Variants in DSC3 observed in about 807,000 individuals in gnomAD.
The protein encoded by DSC3 is desmocollin-3.
A neutral mutation model predicts 89.5 loss-of-function variants in DSC3; 97 were observed. The observed-to-expected ratio is 1.08, with a 90% CI of 0.92 to 1.28. DSC3 has a LOEUF of 1.28. Ranked by LOEUF, DSC3 falls within the 50% of genes most tolerant of loss-of-function variation. The probability of loss-of-function intolerance (pLI) is 0.00; values close to 1 mark genes in which losing one functional copy is unlikely to be tolerated. For synonymous variants in DSC3, 436 were observed against 384.1 expected (o/e 1.14, Z -1.58); for missense variants, 1,199 against 1,085.3 (o/e 1.10, Z -1.47).
chr18:31,002,694 C>T (rs1419108568), intron 13 of DSC3, among the ~76,000 whole-genome samples: 1 of 129,848 alleles, frequency 7.7e-6, no homozygotes, highest in African/African-American at 2.9e-5. Context: ...GAGCAAAACT[C>T]TGCCTCAAAA....
chr18:31,032,420 T>A (rs1985822256), intron 1 of DSC3, 144 bp from the exon 2 acceptor site: 1 of 676,182 alleles, frequency 1.5e-6, no homozygotes. Context: ...AGAAAGGAAT[T>A]TGCTCAATAT....
chr18:31,033,025 G>A (rs1985852733), intron 1 of DSC3, among the ~76,000 whole-genome samples: 1 of 152,056 alleles, frequency 6.6e-6, no homozygotes, highest in South Asian at 2.1e-4. Context: ...CTGTACACTA[G>A]CATTGAAAAA....
chr18:31,012,179 C>A (rs1985093120), intron 9 of DSC3, among the ~76,000 whole-genome samples: 1 of 152,002 alleles, frequency 6.6e-6, no homozygotes, highest in Admixed American at 6.6e-5. Context: ...AAAATGTTAG[C>A]AGACTATGAA....
At chr18:31,029,351 G>C (rs1305236453) in intron 4 of DSC3, among the ~76,000 whole-genome samples, 158 bp downstream of exon 4, 3 of 152,038 alleles carry the variant, frequency 2.0e-5, no homozygotes, top group Non-Finnish European at 4.4e-5. Flanking sequence ...CATATTATTA[G>C]GTTTTTAGTA....
At chr18:31,006,292 GTAT>G (rs138302615) in intron 12 of DSC3, among the ~76,000 whole-genome samples, 6 of 149,738 alleles carry the variant, frequency 4.0e-5, no homozygotes, top group African/African-American at 7.4e-5. Context: ...CACCTCGCTG[GTAT>G]TATTATTATT....
Position 30,994,159 on chromosome 18 carries a change from T to C in DSC3, c.*16A>G. ...TCCAGAATGTCTGACAAAGACCTAA[T>C]TGTAGCACTGTGACATTATCTCTTT... On this transcript the variant is annotated 3_prime_UTR_variant, in exon 16 of 16. Transcript: ENST00000360428. 1 of 1,612,104 alleles carries C rather than the reference T, an allele frequency of 6.2e-7. No individual in the cohort carries two copies. Among genetic ancestry groups the C allele is most frequent in the Non-Finnish European group, 8.5e-7 (1 of 1,178,202 alleles).
Position 31,032,175 on chromosome 18 carries a change from C to G in DSC3, c.154+17G>C. The G allele has an allele frequency of 6.4e-7, 1 of 1,571,834 alleles. No individual in the cohort carries two copies. The highest frequency in any genetic ancestry group is 8.8e-7 in the Non-Finnish European group (1 of 1,141,374). On this transcript the variant is annotated intron_variant, in intron 2 of 15. Coordinates refer to ENST00000360428, the MANE Select transcript of DSC3 (RefSeq NM_001941.5). ...AAACTAAATTTCTGCTTTAAAAAGA[C>G]TTTTAAAATTTCTCACCTCTGCCAA...
intron 9 of DSC3, among the ~76,000 whole-genome samples, chr18:31,010,788 C>G (rs1477637964): frequency 6.6e-6 from 1 of 152,216 alleles, no homozygotes; most frequent in South Asian, 2.1e-4. Flanking sequence ...TGCTGCTGCT[C>G]CAATGGACAG....
At chr18:31,020,840 G>A (rs1985394280) in intron 7 of DSC3, among the ~76,000 whole-genome samples, 1 of 152,124 alleles carries the variant, frequency 6.6e-6, no homozygotes, top group African/African-American at 2.4e-5. Context: ...TACACAGGAG[G>A]CGGAGGTGGG....
intron 7 of DSC3, among the ~76,000 whole-genome samples, chr18:31,022,042 C>G (rs776807709): frequency 2.6e-5 from 4 of 151,874 alleles, no homozygotes; most frequent in Non-Finnish European, 5.9e-5. Context: ...AAAATTGAAA[C>G]CTTTGCTGAA....
intron 9 of DSC3, among the ~76,000 whole-genome samples, chr18:31,013,955 A>T (rs1176401984): frequency 2.0e-5 from 3 of 152,174 alleles, no homozygotes; most frequent in Admixed American, 6.5e-5. Flanking sequence ...ATAATAAAAA[A>T]ATTAGAATTT....
intron 1 of DSC3, among the ~76,000 whole-genome samples, chr18:31,041,016 C>T (rs1986112814): frequency 6.6e-6 from 1 of 151,910 alleles, no homozygotes; most frequent in East Asian, 1.9e-4. Context: ...AAAAAAAAAT[C>T]TTAAACGAGT....
chr18:30,995,911 G>T (rs1351666983), intron 15 of DSC3, among the ~76,000 whole-genome samples: 1 of 141,802 alleles, frequency 7.1e-6, no homozygotes, highest in Non-Finnish European at 1.5e-5. Context: ...GGTCAAGGCT[G>T]CAGTGAGTGG....
Position 30,992,779 on chromosome 18 carries a change from AT to A in DSC3, c.*1395del, listed in dbSNP as rs1290986401. ...AAATTTCTCTGGAGAAAGCAAACTGATTAAAAATTAATTCACGCTGAAGGAT... is the reference window on the plus strand; with the variant it reads ...AAATTTCTCTGGAGAAAGCAAACTGATAAAAATTAATTCACGCTGAAGGAT... On this transcript the variant is annotated 3_prime_UTR_variant, in exon 16 of 16. Transcript: ENST00000360428. 6.6e-6 allele frequency: 1 copy of A among 152,222 alleles called. No homozygotes were observed. The highest frequency in any genetic ancestry group is 6.5e-5 in the Admixed American group (1 of 15,286). 9.4% of individuals were successfully genotyped at this position (152,222 alleles called of 1,614,324 possible). A position where few individuals can be genotyped will look rare whatever the true frequency, so the allele number is the denominator to read the frequency against.
At chr18:31,022,641 T>C (rs1024451364) in intron 6 of DSC3, 139 bp from the exon 7 acceptor site, 1 of 1,072,798 alleles carries the variant, frequency 9.3e-7, no homozygotes, top group South Asian at 1.4e-5. Context: ...TATTATTTCA[T>C]CTTTAGATAG....
chr18:31,011,305 G>A (rs969149080), intron 9 of DSC3, among the ~76,000 whole-genome samples: 1 of 152,146 alleles, frequency 6.6e-6, no homozygotes, highest in African/African-American at 2.4e-5. Flanking sequence ...GCGAATGAAG[G>A]GAATAAATGC....
chr18:31,035,097 T>A (rs530648362), intron 1 of DSC3, among the ~76,000 whole-genome samples: 3 of 152,240 alleles, frequency 2.0e-5, no homozygotes, highest in South Asian at 4.1e-4. Flanking sequence ...TAAAGTGGCA[T>A]AATAACCACA....
chr18:31,013,068 G>A (rs1191150784), intron 9 of DSC3, among the ~76,000 whole-genome samples: 2 of 152,124 alleles, frequency 1.3e-5, no homozygotes, highest in African/African-American at 2.4e-5. Context: ...AGAGTGGCAT[G>A]GAACACTGCA....
At chr18:31,013,379 A>G (rs1985134629) in intron 9 of DSC3, among the ~76,000 whole-genome samples, 1 of 152,120 alleles carries the variant, frequency 6.6e-6, no homozygotes, top group East Asian at 1.9e-4. Context: ...TTCAGATAAA[A>G]TGCTTTCATA....
Sources: allele counts gnomAD v4.1 joint callset (sites outside exome capture counted in the v4.1 genomes callset), GRCh38; gene constraint gnomAD v4.1.1; transcripts MANE v1.5; gene names NCBI Gene and HGNC (gene_info 2026-07-23, HGNC 2026-07-21).